TDRD9: variants seen among roughly 807,000 people sequenced by gnomAD.
TDRD9 encodes the protein tudor domain containing 9.
In TDRD9, 124 loss-of-function variants were observed where a neutral mutation model predicts 172.6. The observed-to-expected ratio is 0.72, with a 90% CI of 0.62 to 0.83. The LOEUF (loss-of-function observed/expected upper bound fraction) is 0.83. TDRD9 is among the 40% of genes least tolerant of loss of function. TDRD9 has a pLI of 0.00. For synonymous variants in TDRD9, 619 were observed against 617.1 expected (o/e 1.00, Z -0.05); for missense variants, 1,479 against 1,714.1 (o/e 0.86, Z 2.42).
chr14:104,034,888 C>T (rs2035402411), intron 31 of TDRD9, 72 bp from the exon 32 acceptor site: 11 of 1,180,006 alleles, frequency 9.3e-6, no homozygotes, highest in Admixed American at 4.1e-5. Context: ...TGAGTAGGAG[C>T]GGGCCGGGAG....
rs534689484 is a variant in TDRD9, at chr14:104,038,743, C to T, written c.3717-1453C>T. ...CCAGCCTGGAGTGCAGTGGTGCCAT[C>T]TCAGCTCACTGCAACCTCTGCCTCC... On this transcript the variant is annotated intron_variant, in intron 32 of 35. Coordinates refer to ENST00000409874, the MANE Select transcript of TDRD9 (RefSeq NM_153046.3). Among the ~76,000 whole-genome samples the T allele has an allele frequency of 2.0e-5, 3 of 152,338 alleles. No individual in the cohort carries two copies. The South Asian group carries it at 6.2e-4, about 32-fold the overall frequency.
chr14:103,983,819 AG>A (rs1468842117), intron 7 of TDRD9, among the ~76,000 whole-genome samples: 3 of 152,240 alleles, frequency 2.0e-5, no homozygotes, highest in Non-Finnish European at 2.9e-5. Context: ...AGAAGGAGAC[AG>A]GAAAATGTGG....
chr14:103,941,279 T>TACGGC, intron 1 of TDRD9: 1 of 857,328 alleles, frequency 1.2e-6, no homozygotes. Context: ...AAACAATTGC[T>TACGGC]CACCAGACAT....
chr14:103,939,923 T>G (rs1225835441), intron 1 of TDRD9: 1 of 150,898 alleles, frequency 6.6e-6, no homozygotes, highest in African/African-American at 2.4e-5. Flanking sequence ...GTTCCAATTT[T>G]GATACGTATA....
intron 26 of TDRD9, 34 bp from the exon 27 acceptor site, chr14:104,026,013 C>T: frequency 7.1e-7 from 1 of 1,412,466 alleles, no homozygotes; most frequent in Non-Finnish European, 1.0e-6. Context: ...GTTTTTGACC[C>T]CGTCGTAAAG....
At position 103,991,203 on chromosome 14, in the gene TDRD9, A is replaced by G; in HGVS notation, c.1159A>G (p.Ser387Gly). Residue 387 changes from serine to glycine, a missense_variant, in exon 9 of 36, where the codon AGT (serine) becomes GGT (glycine). Physicochemically the swap from Ser to Gly is moderately conservative, Grantham distance 56. Around this residue, in one of 3 missense-constraint regions of TDRD9, gnomAD observed 1,413 missense variants for 1,649.1 expected, o/e 0.86. Transcript: ENST00000409874. Reference protein sequence around the residue: ...SGAQFVLERSSVLVFLPGLGE... With the variant: ...SGAQFVLERSGVLVFLPGLGE... ...GGCCCAGTTTGTGTTGGAGCGAAGC[A>G]GTGTGTTGGTGTTTTTGCCAGGTAA... The G allele has an allele frequency of 6.2e-7, 1 of 1,614,026 alleles. No homozygotes were observed. The highest frequency in any genetic ancestry group is 8.5e-7 in the Non-Finnish European group (1 of 1,179,892).
At position 103,934,099 on chromosome 14, in the gene TDRD9, C is replaced by G. The variant is rs574704518; in HGVS notation, c.215+5375C>G. On this transcript the variant is annotated intron_variant, in intron 1 of 35. Coordinates refer to ENST00000409874, the MANE Select transcript of TDRD9 (RefSeq NM_153046.3). ...GCTGCTGTGCATAGCTCGCTGCAGC[C>G]TTGAACTCCTGTGCTCAAGCAATTT... Among the ~76,000 whole-genome samples the G allele has an allele frequency of 6.6e-5, 10 of 152,158 alleles. 1 individual carries two copies. In the South Asian group the frequency reaches 2.1e-3, roughly 32 times the overall value.
At chr14:103,987,142 A>G (rs1240915153) in intron 8 of TDRD9, among the ~76,000 whole-genome samples, 1 of 151,706 alleles carries the variant, frequency 6.6e-6, no homozygotes, top group Non-Finnish European at 1.5e-5. Flanking sequence ...ACACACACAC[A>G]CACACACACA....
intron 1 of TDRD9, among the ~76,000 whole-genome samples, chr14:103,933,258 G>A (rs1191037423): frequency 6.6e-6 from 1 of 152,188 alleles, no homozygotes; most frequent in Non-Finnish European, 1.5e-5. Flanking sequence ...CCAGTGTGTA[G>A]CACCAGCTTT....
rs899150711 is a variant in TDRD9, at chr14:104,018,108, C to G, written c.2348C>G (p.Pro783Arg). The G allele has an allele frequency of 6.3e-7, 1 of 1,597,686 alleles. No individual in the cohort carries two copies. ...KTTVVLKHIPPYGFLYYKQLQ... is the reference protein window; with the variant it reads ...KTTVVLKHIPRYGFLYYKQLQ... The stretch of plus-strand genomic sequence containing the variant: ...ATTTTACAGTTGAAACACATTCCTC[C>G]CTATGGATTTCTTTACTATAAACAA... The change falls in exon 23 of 36, where the codon CCC (proline) becomes CGC (arginine). Residue 783 changes from proline (P) to arginine (R), a missense_variant. Physicochemically the swap from Pro to Arg is moderately radical, Grantham distance 103. Coordinates refer to ENST00000409874, the MANE Select transcript of TDRD9 (RefSeq NM_153046.3).
intron 19 of TDRD9, among the ~76,000 whole-genome samples, chr14:104,007,519 G>A (rs1025016614): frequency 6.6e-6 from 1 of 152,158 alleles, no homozygotes; most frequent in Non-Finnish European, 1.5e-5. Context: ...TTTCATAGCT[G>A]TGGGTACTGG....
intron 1 of TDRD9, among the ~76,000 whole-genome samples, chr14:103,936,103 A>T (rs1481667487): frequency 6.6e-6 from 1 of 152,106 alleles, no homozygotes; most frequent in Non-Finnish European, 1.5e-5. Context: ...TTATTTTCAG[A>T]TGGGGTCTCC....
Position 104,022,993 on chromosome 14 carries a change from G to A in TDRD9, c.2606+663G>A, listed in dbSNP as rs139498004. Among the ~76,000 whole-genome samples, 171 of 151,408 alleles carry A rather than the reference G, an allele frequency of 1.1e-3. 1 individual carries two copies. Among genetic ancestry groups the A allele is most frequent in the African/African-American group, 4.0e-3 (165 of 41,302 alleles). On this transcript the variant is annotated intron_variant, in intron 24 of 35. Transcript: ENST00000409874. ...TCAGGAGTTCAAAACGAGCCTGGCC[G>A]ACATGGTGAAACCCCGTCTCTACCA...
chr14:104,034,404 A>G (rs765877802), intron 31 of TDRD9, among the ~76,000 whole-genome samples: 6 of 151,942 alleles, frequency 3.9e-5, no homozygotes, highest in Non-Finnish European at 8.8e-5. Flanking sequence ...GTTAGCCAGG[A>G]TAGTCTTGAT....
chr14:103,998,538 A>G (rs1355908925), intron 12 of TDRD9, 86 bp from the exon 13 acceptor site: 2 of 808,416 alleles, frequency 2.5e-6, no homozygotes, highest in African/African-American at 1.7e-5. Context: ...GCATGTTTCA[A>G]ATGGCTTTAT....
At chr14:103,998,176 C>G (rs555130212) in intron 12 of TDRD9, among the ~76,000 whole-genome samples, 1 of 140,660 alleles carries the variant, frequency 7.1e-6, no homozygotes, top group East Asian at 2.4e-4. Flanking sequence ...ACCCACCCAC[C>G]CACGCGTACA....
At position 104,006,299 on chromosome 14, in the gene TDRD9, C is replaced by A. The variant is rs565776326; in HGVS notation, c.1714-90C>A. ...AGAATGTTATTCACCAAAATTAGGT[C>A]TTTGTTTCCTGTTTTGGACTCTCCA... On this transcript the variant is annotated intron_variant, in intron 15 of 35. Transcript: ENST00000409874. The A allele has an allele frequency of 1.2e-5, 13 of 1,063,158 alleles. No individual in the cohort carries two copies. The African/African-American group carries it at 1.9e-4, about 16-fold the overall frequency. The allele number at this position is 1,063,158 out of a possible 1,614,324, so 65.9% of individuals were successfully genotyped here. A position where few individuals can be genotyped will look rare whatever the true frequency, so the allele number is the denominator to read the frequency against.
intron 8 of TDRD9, among the ~76,000 whole-genome samples, chr14:103,988,778 G>T (rs1447864977): frequency 6.7e-6 from 1 of 149,768 alleles, no homozygotes; most frequent in African/African-American, 2.5e-5. Flanking sequence ...CAGCAGCCTC[G>T]ACCTCATTGG....
At chr14:104,011,132 G>A (rs1400182151) in intron 20 of TDRD9, among the ~76,000 whole-genome samples, 1 of 152,166 alleles carries the variant, frequency 6.6e-6, no homozygotes, top group East Asian at 1.9e-4. Context: ...CGTGTCCATG[G>A]TCAACTGAGA....
Sources: allele counts gnomAD v4.1 joint callset (sites outside exome capture counted in the v4.1 genomes callset), GRCh38; gene constraint gnomAD v4.1.1; regional missense constraint gnomAD v4.1.1; transcripts MANE v1.5; gene names NCBI Gene and HGNC (gene_info 2026-07-23, HGNC 2026-07-21).